Variants in VWC2L observed in about 807,000 individuals in gnomAD.
The protein encoded by VWC2L is von Willebrand factor C domain containing 2 like.
Under a neutral mutation model 21.6 loss-of-function variants are expected in VWC2L, and 10 were observed. The ratio of observed to expected loss-of-function variants is 0.46; its 90% CI spans 0.29 to 0.78. The LOEUF is 0.78. Ranked by LOEUF, VWC2L falls within the 30% of genes least tolerant of loss-of-function variation. VWC2L has a pLI of 0.10. For synonymous variants in VWC2L, 96 were observed against 94.3 expected (o/e 1.02, Z -0.10); for missense variants, 209 against 277.1 (o/e 0.75, Z 1.74).
Position 214,411,383 on chromosome 2 carries a change from T to C in VWC2L, c.-484T>C, listed in dbSNP as rs1052032640. The C allele has an allele frequency of 1.3e-5, 2 of 152,160 alleles. No homozygotes were observed. The highest frequency in any genetic ancestry group is 4.8e-5 in the African/African-American group (2 of 41,436). The allele number at this position is 152,160 out of a possible 1,614,324, so 9.4% of individuals were successfully genotyped here. On this transcript the variant is annotated 5_prime_UTR_variant, in exon 1 of 4. Coordinates refer to ENST00000312504, the MANE Select transcript of VWC2L (RefSeq NM_001080500.4). ...CCTAGCCAAATCACCTCTACTGCCG[T>C]AGCAAACACTGTGTAAGTGAACTCA...
At chr2:214,492,855 C>T (rs943626177) in intron 3 of VWC2L, among the ~76,000 whole-genome samples, 2 of 152,110 alleles carry the variant, frequency 1.3e-5, no homozygotes, top group Non-Finnish European at 1.5e-5. Flanking sequence ...GGAGAAGAAT[C>T]CAAGTTTCTT....
chr2:214,462,102 C>T (rs1378354352), intron 3 of VWC2L, among the ~76,000 whole-genome samples: 1 of 152,164 alleles, frequency 6.6e-6, no homozygotes, highest in Admixed American at 6.5e-5. Context: ...GAGCAGGATG[C>T]GGTCTAGTGG....
intron 3 of VWC2L, among the ~76,000 whole-genome samples, chr2:214,537,901 CT>C (rs35664504): frequency 0.39 from 53,356 of 135,342 alleles, 9,991 homozygotes; most frequent in South Asian, 0.48. Context: ...GGATAGTGGC[CT>C]TTTTTTTTTT....
intron 3 of VWC2L, among the ~76,000 whole-genome samples, chr2:214,443,719 A>G (rs1410679194): frequency 6.6e-6 from 1 of 152,222 alleles, no homozygotes; most frequent in Non-Finnish European, 1.5e-5. Flanking sequence ...GGCCGGAGTT[A>G]TGTTTGGTAG....
chr2:214,425,314 G>A (rs1223668025), intron 2 of VWC2L, among the ~76,000 whole-genome samples: 4 of 151,998 alleles, frequency 2.6e-5, no homozygotes, highest in Non-Finnish European at 5.9e-5. Flanking sequence ...GTGGTCTCAG[G>A]GATCTCTTTT....
At chr2:214,476,107 GCCT>G (rs1316453206) in intron 3 of VWC2L, among the ~76,000 whole-genome samples, 11 of 152,094 alleles carry the variant, frequency 7.2e-5, no homozygotes, top group African/African-American at 2.7e-4. Flanking sequence ...AGGACATGAG[GCCT>G]CCTTTCTCTC....
chr2:214,471,659 G>A (rs942135393), intron 3 of VWC2L, among the ~76,000 whole-genome samples: 2 of 152,184 alleles, frequency 1.3e-5, no homozygotes, highest in African/African-American at 4.8e-5. Flanking sequence ...CAGCAAATGT[G>A]TGCTCTACGA....
At chr2:214,488,941 C>A (rs1206276204) in intron 3 of VWC2L, among the ~76,000 whole-genome samples, 1 of 152,202 alleles carries the variant, frequency 6.6e-6, no homozygotes, top group African/African-American at 2.4e-5. Flanking sequence ...GAAGGATCCA[C>A]CCCCATCACC....
intron 3 of VWC2L, among the ~76,000 whole-genome samples, chr2:214,447,355 A>C (rs934416362): frequency 2.0e-5 from 3 of 152,180 alleles, no homozygotes; most frequent in Admixed American, 6.6e-5. Flanking sequence ...TGTATCTCTC[A>C]GAGGTACCCA....
intron 3 of VWC2L, 97 bp downstream of exon 3, chr2:214,436,855 T>A: frequency 7.0e-7 from 1 of 1,431,656 alleles, no homozygotes; most frequent in Non-Finnish European, 9.5e-7. Context: ...CTCTAAGATC[T>A]GCCTGTGGCT....
intron 3 of VWC2L, among the ~76,000 whole-genome samples, chr2:214,513,468 T>G (rs1689090433): frequency 6.6e-6 from 1 of 152,154 alleles, no homozygotes; most frequent in African/African-American, 2.4e-5. Flanking sequence ...AGAAAGATTC[T>G]CATTTGACAT....
intron 3 of VWC2L, among the ~76,000 whole-genome samples, chr2:214,541,691 A>T (rs1689630232): frequency 6.6e-6 from 1 of 152,126 alleles, no homozygotes; most frequent in Non-Finnish European, 1.5e-5. Flanking sequence ...TGGTTTTCCC[A>T]TCTCTAAAAC....
intron 2 of VWC2L, among the ~76,000 whole-genome samples, chr2:214,420,917 T>C (rs1214263172): frequency 6.6e-6 from 1 of 152,216 alleles, no homozygotes; most frequent in African/African-American, 2.4e-5. Context: ...CCCTTTCAAG[T>C]TGCTACAAAA....
intron 3 of VWC2L, among the ~76,000 whole-genome samples, chr2:214,574,996 T>C (rs2105936162): frequency 6.8e-6 from 1 of 147,284 alleles, no homozygotes; most frequent in East Asian, 2.0e-4. Flanking sequence ...ATAAAATTCC[T>C]GCTGACTTTC....
chr2:214,478,411 G>A (rs942436397), intron 3 of VWC2L, among the ~76,000 whole-genome samples: 2 of 151,600 alleles, frequency 1.3e-5, no homozygotes, highest in Non-Finnish European at 2.9e-5. Flanking sequence ...CCCAGGAGGC[G>A]GAGTTTGCAG....
At chr2:214,470,116 G>A (rs1703282112) in intron 3 of VWC2L, among the ~76,000 whole-genome samples, 1 of 150,200 alleles carries the variant, frequency 6.7e-6, no homozygotes. Flanking sequence ...TTAGACACAG[G>A]TATGAACCCA....
Position 214,565,974 on chromosome 2 carries a change from C to T in VWC2L, c.521-9698C>T, listed in dbSNP as rs1451615630. Among the ~76,000 whole-genome samples, 3 of 152,278 alleles carry T rather than the reference C, an allele frequency of 2.0e-5. No homozygotes were observed. In the South Asian group the frequency reaches 6.2e-4, roughly 32 times the overall value. On this transcript the variant is annotated intron_variant, in intron 3 of 3. Transcript: ENST00000312504. ...CCTAATTTTATCCTTTTACTCCTAT[C>T]TCTTTGAACCACAGTGTTCTCAGCT...
chr2:214,475,361 G>A (rs971904757), intron 3 of VWC2L, among the ~76,000 whole-genome samples: 2 of 151,368 alleles, frequency 1.3e-5, no homozygotes, highest in Non-Finnish European at 2.9e-5. Flanking sequence ...AAACATGCTT[G>A]TTAGTAAACT....
intron 3 of VWC2L, among the ~76,000 whole-genome samples, chr2:214,508,642 T>C (rs1198626669): frequency 6.6e-6 from 1 of 152,232 alleles, no homozygotes; most frequent in African/African-American, 2.4e-5. Context: ...TTTTCCTTTT[T>C]TTCATAAGAA....
Sources: allele counts gnomAD v4.1 joint callset (sites outside exome capture counted in the v4.1 genomes callset), GRCh38; gene constraint gnomAD v4.1.1; transcripts MANE v1.5; gene names NCBI Gene and HGNC (gene_info 2026-07-23, HGNC 2026-07-21).